Variants in XRCC6 observed in about 807,000 individuals in gnomAD.
The protein encoded by XRCC6 is X-ray repair cross complementing 6.
In XRCC6, 5 loss-of-function variants were observed where a neutral mutation model predicts 65.7. That is an observed-to-expected ratio of 0.08 (90% CI 0.04 to 0.16). The LOEUF is 0.16. Ranked by LOEUF, XRCC6 falls within the 10% of genes least tolerant of loss-of-function variation. The pLI is 1.00. For missense variants in XRCC6, 447 were observed against 738.1 expected (o/e 0.61, Z 4.57); for synonymous variants, 270 against 270.6 (o/e 1.00, Z 0.02).
At chr22:41,634,682 T>G (rs887081383) in intron 3 of XRCC6, among the ~76,000 whole-genome samples, 1 of 152,112 alleles carries the variant, frequency 6.6e-6, no homozygotes, top group East Asian at 1.9e-4. Context: ...GTAGCTAGGA[T>G]TACAGGCACG....
intron 5 of XRCC6, 85 bp downstream of exon 5, chr22:41,636,855 G>GCTCAGC: frequency 1.3e-6 from 2 of 1,493,196 alleles, no homozygotes; most frequent in Non-Finnish European, 1.8e-6. Context: ...AGGAGTCTTG[G>GCTCAGC]CTCAGCCTCA....
intron 5 of XRCC6, among the ~76,000 whole-genome samples, chr22:41,637,122 C>A (rs1372168846): frequency 6.9e-6 from 1 of 144,606 alleles, no homozygotes; most frequent in Non-Finnish European, 1.5e-5. Context: ...CTCACTCTGT[C>A]CCCCAGGCTA....
chr22:41,632,956 G>A (rs1273326797), intron 3 of XRCC6, among the ~76,000 whole-genome samples: 4 of 151,462 alleles, frequency 2.6e-5, no homozygotes, highest in Non-Finnish European at 4.4e-5. Flanking sequence ...GTGAAACCTC[G>A]TCTCTACTAA....
At chr22:41,640,918 C>T (rs1489908686) in intron 6 of XRCC6, among the ~76,000 whole-genome samples, 1 of 152,094 alleles carries the variant, frequency 6.6e-6, no homozygotes, top group Admixed American at 6.6e-5. Context: ...GACCTGACTT[C>T]TCTGAGCCTT....
chr22:41,637,878 A>ACTTTCTTTATCCATTCTTC, intron 6 of XRCC6, 87 bp downstream of exon 6: 1 of 1,406,246 alleles, frequency 7.1e-7, no homozygotes, highest in African/African-American at 1.5e-5. Context: ...TAATCCCAAC[A>ACTTTCTTTATCCATTCTTC]GTTTGGGAGG....
rs2067938300 is a variant in XRCC6 at position 41,646,959 on chromosome 22, G to A, written c.837G>A (p.Lys279=). 1.1e-5 allele frequency: 17 copies of A among 1,614,004 alleles called. No individual in the cohort carries two copies. Among genetic ancestry groups the A allele is most frequent in the Non-Finnish European group, 1.4e-5 (17 of 1,180,016 alleles). Reference sequence around the variant, plus strand: ...TGGGCATTTATAATCTGGTCCAGAAGGCTCTCAAGCCTCCTCCAATAAAGC... The same window carrying A: ...TGGGCATTTATAATCTGGTCCAGAAAGCTCTCAAGCCTCCTCCAATAAAGC... ...ISVGIYNLVQ[K]ALKPPPIKLY... Residue 279 remains lysine (K), a synonymous_variant, in exon 7 of 13, where the codon AAG becomes AAA. Coordinates refer to ENST00000360079, the MANE Select transcript of XRCC6 (RefSeq NM_001469.5).
At chr22:41,635,174 G>A (rs1292500145) in intron 3 of XRCC6, among the ~76,000 whole-genome samples, 1 of 152,144 alleles carries the variant, frequency 6.6e-6, no homozygotes, top group Non-Finnish European at 1.5e-5. Flanking sequence ...TATACTTTAA[G>A]TCATCTATAG....
rs564986771 is a variant in XRCC6 at position 41,659,194 on chromosome 22, A to G, written c.1522+842A>G. On this transcript the variant is annotated intron_variant, in intron 11 of 12. Transcript: ENST00000360079. ...TAGACAAAATAGCCCCAGTGTTAAA[A>G]GCAGAAGAGTTATTGGACCATTGTT... 5.3e-5 allele frequency among the ~76,000 whole-genome samples: 8 copies of G among 152,162 alleles called. No homozygotes were observed. In the South Asian group the frequency reaches 1.7e-3, roughly 32 times the overall value.
chr22:41,662,449 T>A (rs569283031), intron 12 of XRCC6, among the ~76,000 whole-genome samples: 1 of 152,362 alleles, frequency 6.6e-6, no homozygotes, highest in Non-Finnish European at 1.5e-5. Context: ...ACAAATGGAA[T>A]AATACATTGT....
chr22:41,658,142 G>C lies in XRCC6; in HGVS notation c.1422-110G>C, dbSNP rs1303804809. 3.9e-6 allele frequency: 4 copies of C among 1,035,982 alleles called. No individual in the cohort carries two copies. In the African/African-American group the frequency reaches 4.8e-5, roughly 12 times the overall value. 64.2% of individuals were successfully genotyped at this position (1,035,982 alleles called of 1,614,324 possible). A position where few individuals can be genotyped will look rare whatever the true frequency, so the allele number is the denominator to read the frequency against. On this transcript the variant is annotated intron_variant, in intron 10 of 12. Transcript: ENST00000360079. ...CCTGACCTCAACTGTTTTACTTGGG[G>C]TGTTTTTCTCAGCTCACCCCGGACC...
intron 9 of XRCC6, 80 bp downstream of exon 9, chr22:41,653,770 A>G (rs1379993955): frequency 2.7e-6 from 4 of 1,497,230 alleles, no homozygotes; most frequent in African/African-American, 1.4e-5. Context: ...ATGCAGACCT[A>G]CTGAATCATA....
rs769585677 is a variant in XRCC6 at position 41,622,070 on chromosome 22, G to A, written c.66G>A (p.Glu22=). 1 of 1,614,110 alleles carries A rather than the reference G, an allele frequency of 6.2e-7. No homozygotes were observed. ...GDEEAEEEQE[E]NLEASGDYKY... The stretch of plus-strand genomic sequence containing the variant: ...AAGAAGCAGAGGAAGAACAAGAAGA[G>A]AACCTTGAAGCAAGTGGTAAGTGAC... Residue 22 remains glutamate (E), a synonymous_variant, in exon 2 of 13, where the codon GAG becomes GAA. Transcript: ENST00000360079.
chr22:41,642,614 C>A (rs764317739), intron 6 of XRCC6, among the ~76,000 whole-genome samples: 2 of 152,098 alleles, frequency 1.3e-5, no homozygotes, highest in African/African-American at 2.4e-5. Context: ...TGAAGAATGT[C>A]ATTGGTATTT....
intron 10 of XRCC6, 71 bp downstream of exon 10, chr22:41,657,103 G>C (rs1394970381): frequency 1.3e-6 from 2 of 1,502,086 alleles, no homozygotes; most frequent in African/African-American, 2.8e-5. Context: ...CTTGGGCATA[G>C]GCCAAGAGAA....
At chr22:41,659,012 G>A (rs931110826) in intron 11 of XRCC6, among the ~76,000 whole-genome samples, 2 of 152,148 alleles carry the variant, frequency 1.3e-5, no homozygotes, top group East Asian at 3.9e-4. Flanking sequence ...CCAGCGACTC[G>A]CAGCCGGGCG....
rs553304643 is a variant in XRCC6 at position 41,658,332 on chromosome 22, A to C, written c.1502A>C (p.Glu501Ala). The C allele has an allele frequency of 6.2e-7, 1 of 1,614,146 alleles. No individual in the cohort carries two copies. Among genetic ancestry groups the C allele is most frequent in the South Asian group, 1.1e-5 (1 of 91,082 alleles). The change falls in exon 11 of 13, where the codon GAA becomes GCA. Residue 501 changes from glutamate (E) to alanine (A), a missense_variant. Glu to Ala is a moderately radical substitution (Grantham distance 107, BLOSUM62 -1). Coordinates refer to ENST00000360079, the MANE Select transcript of XRCC6 (RefSeq NM_001469.5). ...TTGGCCTTGGATTTGATGGAGCCGG[A>C]ACAAGCAGTGGACCTGACATGTAAG... is the stretch of plus-strand genomic sequence containing the variant. The part of the protein sequence containing the change: ...EALALDLMEP[E>A]QAVDLTLPKV...
intron 6 of XRCC6, among the ~76,000 whole-genome samples, chr22:41,642,228 G>A (rs1002404914): frequency 6.6e-6 from 1 of 152,174 alleles, no homozygotes; most frequent in Non-Finnish European, 1.5e-5. Flanking sequence ...CTAGCAGTGG[G>A]ATTGCTGGAT....
At chr22:41,644,007 C>T (rs1478557312) in intron 6 of XRCC6, among the ~76,000 whole-genome samples, 3 of 148,084 alleles carry the variant, frequency 2.0e-5, no homozygotes, top group Non-Finnish European at 3.0e-5. Flanking sequence ...ATTAGCTGGG[C>T]GCAGTGGCAT....
intron 8 of XRCC6, among the ~76,000 whole-genome samples, chr22:41,652,800 A>G (rs2068013422): frequency 6.6e-6 from 1 of 152,080 alleles, no homozygotes; most frequent in Non-Finnish European, 1.5e-5. Flanking sequence ...CAGCCTCCCA[A>G]GTAGCTGGGA....
Sources: allele counts gnomAD v4.1 joint callset (sites outside exome capture counted in the v4.1 genomes callset), GRCh38; gene constraint gnomAD v4.1.1; transcripts MANE v1.5; gene names NCBI Gene and HGNC (gene_info 2026-07-23, HGNC 2026-07-21).